Variants in ECEL1 observed in about 807,000 individuals in gnomAD.
The protein encoded by ECEL1 is endothelin converting enzyme like 1.
A neutral mutation model predicts 101.8 loss-of-function variants in ECEL1; 87 were observed. The ratio of observed to expected loss-of-function variants is 0.85; its 90% CI spans 0.72 to 1.02. The LOEUF (loss-of-function observed/expected upper bound fraction) is 1.02. ECEL1 is among the 50% of genes least tolerant of loss of function. ECEL1 has a pLI of 0.00. For synonymous variants in ECEL1, 487 were observed against 468.7 expected, an observed-to-expected ratio of 1.04 and a Z score of -0.50; for missense variants, 1,032 against 1,079.2, an observed-to-expected ratio of 0.96 and a Z score of 0.61.
At chr2:232,483,940 C>T in intron 7 of ECEL1, 61 bp downstream of exon 7, 2 of 1,523,618 alleles carry the variant, frequency 1.3e-6, no homozygotes, top group Non-Finnish European at 8.9e-7. Context: ...GGACCATGGC[C>T]TCGGGAGGGC....
chr2:232,483,856 C>T (rs1690647933), intron 7 of ECEL1, 145 bp downstream of exon 7: 1 of 913,612 alleles, frequency 1.1e-6, no homozygotes, highest in Non-Finnish European at 1.7e-6. Context: ...CAGCCTGGGG[C>T]CTCAGAATCG....
At position 232,480,018 on chromosome 2, in the gene ECEL1, G is replaced by A; in HGVS notation, c.*135C>T. The A allele has an allele frequency of 1.3e-6, 1 of 790,664 alleles. No homozygotes were observed. The highest frequency in any genetic ancestry group is 2.0e-6 in the Non-Finnish European group (1 of 488,644). 49.0% of individuals were successfully genotyped at this position (790,664 alleles called of 1,614,324 possible). On this transcript the variant is annotated 3_prime_UTR_variant, in exon 18 of 18. Coordinates refer to ENST00000304546, the MANE Select transcript of ECEL1 (RefSeq NM_004826.4). ...CCCTCCTGAAGTGAGGGGCAGCAGGGGGACCGGGTCCTGGAGGGGCTGGAA... is the reference window on the plus strand; with the variant it reads ...CCCTCCTGAAGTGAGGGGCAGCAGGAGGACCGGGTCCTGGAGGGGCTGGAA...
At chr2:232,484,420 G>A (rs377368319) in intron 6 of ECEL1, 52 bp downstream of exon 6, 1 of 1,606,128 alleles carries the variant, frequency 6.2e-7, no homozygotes, top group East Asian at 2.2e-5. Context: ...CCAGGGTGCA[G>A]GGGAAGGACC....
Position 232,485,878 on chromosome 2 carries a change from T to C in ECEL1, c.776A>G (p.Tyr259Cys), listed in dbSNP as rs1309669721. Residue 259 changes from tyrosine (Y) to cysteine (C), a missense_variant, in exon 2 of 18, where the codon TAC (tyrosine) becomes TGC (cysteine). Physicochemically the swap from Tyr to Cys is radical, Grantham distance 194. Transcript: ENST00000304546. ...VSLDDRNSSR[Y>C]VIRIDQDGLT... is the part of the protein sequence containing the mutation. ...AGGGGGCGCACTCACGCGGATGACG[T>C]AGCGCGAGGAGTTCCTGTCGTCCAG... 6.4e-7 allele frequency: 1 copy of C among 1,555,994 alleles called. No homozygotes were observed. Among genetic ancestry groups the C allele is most frequent in the East Asian group, 2.4e-5 (1 of 41,722 alleles).
Position 232,483,226 on chromosome 2 carries a change from G to A in ECEL1, c.1507-47C>T, listed in dbSNP as rs576364780. ...AGGTGGCACCAGGCCTCGGGAGACA[G>A]CCCCCCGCCCCCCACCCTACCCACC... On this transcript the variant is annotated intron_variant, in intron 8 of 17. Coordinates refer to ENST00000304546, the MANE Select transcript of ECEL1 (RefSeq NM_004826.4). The A allele has an allele frequency of 2.1e-5, 33 of 1,567,456 alleles. No individual in the cohort carries two copies. In the African/African-American group the frequency reaches 2.2e-4, roughly 10 times the overall value.
At chr2:232,480,279 G>T in intron 17 of ECEL1, 27 bp from the exon 18 acceptor site, 1 of 1,612,816 alleles carries the variant, frequency 6.2e-7, no homozygotes, top group Non-Finnish European at 8.5e-7. Context: ...CCCACACAGT[G>T]TTGGGCCCTG....
intron 2 of ECEL1, 66 bp downstream of exon 2, chr2:232,485,802 C>T (rs1453399022): frequency 2.0e-6 from 3 of 1,526,470 alleles, no homozygotes; most frequent in Admixed American, 2.0e-5. Flanking sequence ...GCGCAGGGAC[C>T]CCTGGGCAAG....
rs1046019075 is a variant in ECEL1 at position 232,485,010 on chromosome 2, T to C, written c.937A>G (p.Ile313Val). The change falls in exon 4 of 18, where the codon ATC becomes GTC. Residue 313 changes from isoleucine (I) to valine (V), a missense_variant. Physicochemically the swap from Ile to Val is conservative, Grantham distance 29 (BLOSUM62 3). Coordinates refer to ENST00000304546, the MANE Select transcript of ECEL1 (RefSeq NM_004826.4). ...ADAVEQKAQE[I>V]LQVEQQLANI... is the part of the protein sequence containing the mutation. ...GCCAGCTGCTGCTCCACTTGCAGGA[T>C]CTCTTGGGCCTTCTGTTCCACAGCG... 6.2e-7 allele frequency: 1 copy of C among 1,613,114 alleles called. No homozygotes were observed.
intron 6 of ECEL1, 74 bp from the exon 7 acceptor site, chr2:232,484,297 G>T: frequency 6.4e-7 from 1 of 1,570,782 alleles, no homozygotes; most frequent in Non-Finnish European, 8.7e-7. Context: ...ACCCCTACCT[G>T]TGCCCGCCAA....
At position 232,484,235 on chromosome 2, in the gene ECEL1, G is replaced by A; in HGVS notation, c.1185-12C>T. On this transcript the variant is annotated splice_polypyrimidine_tract_variant and intron_variant, in intron 6 of 17. Coordinates refer to ENST00000304546, the MANE Select transcript of ECEL1 (RefSeq NM_004826.4). ...AGTTGTGCAGGACCCTGGGGACCAG[G>A]TGAAGCCAGTGGGTGTCCAGACGGA... is the stretch of plus-strand genomic sequence containing the variant. 6.2e-7 allele frequency: 1 copy of A among 1,605,446 alleles called. No homozygotes were observed.
chr2:232,480,701 T>C lies in ECEL1; in HGVS notation c.2151+17A>G. 1 of 1,612,908 alleles carries C rather than the reference T, an allele frequency of 6.2e-7. No individual in the cohort carries two copies. The highest frequency in any genetic ancestry group is 8.5e-7 in the Non-Finnish European group (1 of 1,179,298). Reference sequence around the variant, plus strand: ...CCCCACCCCAAGGCTCCCAGTCCAATCCCCCACCCAGCCCACCTGGGCAAA... The same window carrying C: ...CCCCACCCCAAGGCTCCCAGTCCAACCCCCCACCCAGCCCACCTGGGCAAA... On this transcript the variant is annotated intron_variant, in intron 16 of 17. Transcript: ENST00000304546.
chr2:232,484,878 G>A lies in ECEL1; in HGVS notation c.982C>T (p.His328Tyr), dbSNP rs1529874. ...CTGACATCTCGCCGTAGGTCGTCAT[G>A]CTCTGACACAGTGATCTGTGGGGAG... ...QQLANITVSE[H>Y]DDLRRDVSSM... Residue 328 changes from histidine to tyrosine, a missense_variant, in exon 5 of 18, where the codon CAT becomes TAT. By Grantham distance (83) the His-to-Tyr change is moderately conservative (BLOSUM62 2). Coordinates refer to ENST00000304546, the MANE Select transcript of ECEL1 (RefSeq NM_004826.4). 0.98 allele frequency: 1,583,608 copies of A among 1,613,732 alleles called. 777,294 individuals are homozygous for A. Among genetic ancestry groups the A allele is most frequent in the East Asian group, 1 (44,862 of 44,862 alleles).
Position 232,485,755 on chromosome 2 carries a change from C to T in ECEL1, c.786+113G>A. 3.7e-6 allele frequency: 5 copies of T among 1,364,124 alleles called. No homozygotes were observed. In the South Asian group the frequency reaches 5.5e-5, roughly 15 times the overall value. 84.5% of individuals were successfully genotyped at this position (1,364,124 alleles called of 1,614,324 possible). ...CCCTCCCCTCCCCTCTCCTGCTCGTCTCTTCCCTCCTCTCCTCTCACGCAC... is the reference window on the plus strand; with the variant it reads ...CCCTCCCCTCCCCTCTCCTGCTCGTTTCTTCCCTCCTCTCCTCTCACGCAC... On this transcript the variant is annotated intron_variant, in intron 2 of 17. Transcript: ENST00000304546.
intron 16 of ECEL1, 90 bp downstream of exon 16, chr2:232,480,628 T>C (rs1403868992): frequency 6.6e-7 from 1 of 1,518,852 alleles, no homozygotes; most frequent in Non-Finnish European, 9.0e-7. Context: ...AGGCTGTCCA[T>C]GCGAAGCCTG....
intron 14 of ECEL1, 94 bp from the exon 15 acceptor site, chr2:232,481,250 A>G (rs1575075195): frequency 7.0e-7 from 1 of 1,438,112 alleles, no homozygotes; most frequent in South Asian, 1.3e-5. Flanking sequence ...AATTCCTACC[A>G]CCCCTCTCCT....
Position 232,486,188 on chromosome 2 carries a change from G to T in ECEL1, c.466C>A (p.Gln156Lys). 1 of 1,594,474 alleles carries T rather than the reference G, an allele frequency of 6.3e-7. No individual in the cohort carries two copies. Among genetic ancestry groups the T allele is most frequent in the Non-Finnish European group, 8.5e-7 (1 of 1,175,822 alleles). Residue 156 changes from glutamine (Q) to lysine (K), a missense_variant, in exon 2 of 18, where the codon CAA (glutamine) becomes AAA (lysine). Coordinates refer to ENST00000304546, the MANE Select transcript of ECEL1 (RefSeq NM_004826.4). ...TYGTIAAIGE[Q>K]NEERLRRLLA... is the part of the protein sequence containing the mutation. ...AGGCGCCGTAGGCGCTCCTCGTTTT[G>T]CTCGCCGATGGCCGCGATGGTGCCA...
chr2:232,486,259 CCG>C lies in ECEL1; in HGVS notation c.393_394del (p.Cys131TrpfsTer133), dbSNP rs1690723281. The C allele has an allele frequency of 6.2e-7, 1 of 1,601,326 alleles. No homozygotes were observed. Among genetic ancestry groups the C allele is most frequent in the African/African-American group, 1.3e-5 (1 of 74,194 alleles). ...GATGGCGTGGCGCCGCAGCCAACCG[CCG>C]CAGGCGAACGAGTAGAAGTCCTGGC... On this transcript the variant is annotated frameshift_variant, in exon 2 of 18. Transcript: ENST00000304546. LOFTEE classifies it high-confidence loss of function.
intron 2 of ECEL1, 137 bp downstream of exon 2, chr2:232,485,726 GCTCCC>G: frequency 4.5e-5 from 51 of 1,129,830 alleles, no homozygotes; most frequent in African/African-American, 6.2e-5. Flanking sequence ...GCCTCTGTGC[GCTCCC>G]CTCCCCTCCC....
chr2:232,486,665 C>T lies in ECEL1; in HGVS notation c.-12G>A. On this transcript the variant is annotated 5_prime_UTR_variant, in exon 2 of 18. Transcript: ENST00000304546. ...TACGGGGGCTCCATGGCGCCGAGGC[C>T]GCCGCGGTGCAGACCTGGGCCACCT... 2.6e-6 allele frequency: 4 copies of T among 1,516,680 alleles called. No homozygotes were observed. The highest frequency in any genetic ancestry group is 3.5e-6 in the Non-Finnish European group (4 of 1,143,300). 94.0% of individuals were successfully genotyped at this position (1,516,680 alleles called of 1,614,324 possible).
Sources: gnomAD v4.1 joint callset for allele counts on GRCh38, gnomAD v4.1.1 for gene constraint, MANE v1.5 for transcripts, NCBI Gene and HGNC (gene_info 2026-07-23, HGNC 2026-07-21) for gene names.